The following OCA2 variants were observed in gnomAD, a reference collection of about 807,000 sequenced individuals.
OCA2 encodes OCA2 melanosomal transmembrane protein.
In OCA2, 77 loss-of-function variants were observed where a neutral mutation model predicts 100.2. The observed-to-expected ratio is 0.77, with a 90% CI of 0.64 to 0.93. OCA2 has a LOEUF of 0.93. OCA2 is among the 40% of genes least tolerant of loss of function. OCA2 has a pLI of 0.00. For missense variants in OCA2, 1,062 were observed against 1,089.1 expected (o/e 0.98, Z 0.35); for synonymous variants, 432 against 439.2 (o/e 0.98, Z 0.21).
At chr15:27,949,513 A>G (rs909796873) in intron 18 of OCA2, among the ~76,000 whole-genome samples, 2 of 152,086 alleles carry the variant, frequency 1.3e-5, no homozygotes. Flanking sequence ...AAATACAAAA[A>G]TTAGCCGGGT....
chr15:27,928,836 C>T (rs2039141549), intron 18 of OCA2, among the ~76,000 whole-genome samples: 1 of 152,126 alleles, frequency 6.6e-6, no homozygotes, highest in South Asian at 2.1e-4. Flanking sequence ...CTTATGATTA[C>T]ATTGGATCTA....
chr15:27,762,892 G>A lies in OCA2; in HGVS notation c.2433-7420C>T, dbSNP rs150446434. On this transcript the variant is annotated intron_variant, in intron 23 of 23. Transcript: ENST00000354638. Reference sequence around the variant, plus strand: ...AGCTCCTGCTTATAAGTGAGAACACGTGGTATTTGTCTTTCTGTTTCTGAG... The same window carrying A: ...AGCTCCTGCTTATAAGTGAGAACACATGGTATTTGTCTTTCTGTTTCTGAG... Among the ~76,000 whole-genome samples, 943 of 152,312 alleles carry A rather than the reference G, an allele frequency of 6.2e-3. 12 individuals are homozygous for A. The highest frequency in any genetic ancestry group is 0.021 in the African/African-American group (873 of 41,568).
intron 2 of OCA2, among the ~76,000 whole-genome samples, chr15:28,073,584 T>G (rs1212248412): frequency 1.3e-5 from 2 of 152,042 alleles, no homozygotes; most frequent in South Asian, 4.2e-4. Flanking sequence ...CAATAGACAC[T>G]GTGGAATACT....
intron 23 of OCA2, among the ~76,000 whole-genome samples, chr15:27,779,596 T>A (rs1185671657): frequency 6.6e-6 from 1 of 152,222 alleles, no homozygotes; most frequent in Non-Finnish European, 1.5e-5. Context: ...CTGGTTTAGT[T>A]ACCATTTGCA....
At chr15:28,007,478 C>T (rs1453190379) in intron 9 of OCA2, among the ~76,000 whole-genome samples, 1 of 152,188 alleles carries the variant, frequency 6.6e-6, no homozygotes, top group Non-Finnish European at 1.5e-5. Flanking sequence ...CGCCTGTAAT[C>T]CCAGCACTTT....
At chr15:27,758,307 C>T (rs963201173) in intron 23 of OCA2, among the ~76,000 whole-genome samples, 1 of 152,176 alleles carries the variant, frequency 6.6e-6, no homozygotes, top group African/African-American at 2.4e-5. Context: ...CTAGACATAA[C>T]ACTCCTAGAT....
downstream of OCA2, among the ~76,000 whole-genome samples, chr15:27,754,371 T>C (rs2030183364): frequency 6.6e-6 from 1 of 152,188 alleles, no homozygotes; most frequent in Admixed American, 6.5e-5. Flanking sequence ...CTTGGAACTT[T>C]TGAAGTCAGA....
At chr15:27,910,208 G>A (rs1277904823) in intron 19 of OCA2, among the ~76,000 whole-genome samples, 1 of 152,150 alleles carries the variant, frequency 6.6e-6, no homozygotes, top group Non-Finnish European at 1.5e-5. Context: ...ATTCTGTCAG[G>A]CAGACTAGGA....
intron 23 of OCA2, among the ~76,000 whole-genome samples, chr15:27,835,675 G>A (rs1231823154): frequency 1.3e-5 from 2 of 152,242 alleles, no homozygotes; most frequent in African/African-American, 4.8e-5. Flanking sequence ...GGTGCCTCAG[G>A]CGCAGGCCCT....
intron 23 of OCA2, among the ~76,000 whole-genome samples, chr15:27,794,048 G>T (rs1050164479): frequency 2.6e-5 from 4 of 152,224 alleles, no homozygotes; most frequent in Admixed American, 2.0e-4. Flanking sequence ...CTCTAGAGAA[G>T]ATCTTTTCTT....
Position 28,081,738 on chromosome 15 carries a change from T to C in OCA2, c.137A>G (p.Asp46Gly), listed in dbSNP as rs766051204. The C allele has an allele frequency of 4.3e-6, 7 of 1,613,388 alleles. No individual in the cohort carries two copies. The South Asian group carries it at 7.7e-5, about 18-fold the overall frequency. ...RRLPRGAGGA[D>G]PSHSCPRGAA... ...CCCCCTGGGGCAGGAGTGCGAGGGG[T>C]CAGCTCCACCGGCTCCCCGAGGAAG... The change falls in exon 2 of 24, where the codon GAC (aspartate) becomes GGC (glycine). Residue 46 changes from aspartate to glycine, a missense_variant. Transcript: ENST00000354638.
intron 19 of OCA2, among the ~76,000 whole-genome samples, chr15:27,908,720 C>T (rs959213732): frequency 6.6e-6 from 1 of 152,184 alleles, no homozygotes; most frequent in South Asian, 2.1e-4. Flanking sequence ...GAAAATGTAG[C>T]AACATGTGTG....
intron 19 of OCA2, among the ~76,000 whole-genome samples, chr15:27,872,233 G>A (rs982044795): frequency 6.6e-5 from 10 of 152,278 alleles, no homozygotes; most frequent in African/African-American, 1.2e-4. Context: ...CTGTTCAATC[G>A]TACATAATGA....
intron 19 of OCA2, chr15:27,896,603 G>T: frequency 4.4e-6 from 1 of 226,566 alleles, no homozygotes; most frequent in Non-Finnish European, 8.8e-6. Flanking sequence ...TTTCCATGAG[G>T]ATTTTTCAGA....
intron 21 of OCA2, among the ~76,000 whole-genome samples, chr15:27,855,723 G>C (rs2035923776): frequency 6.6e-6 from 1 of 152,184 alleles, no homozygotes; most frequent in Admixed American, 6.5e-5. Flanking sequence ...CTAGATACAA[G>C]AGACAGACAG....
chr15:27,991,504 A>T (rs2041553998), intron 9 of OCA2, among the ~76,000 whole-genome samples: 1 of 152,210 alleles, frequency 6.6e-6, no homozygotes, highest in South Asian at 2.1e-4. Flanking sequence ...CATCTATATG[A>T]ACTTTCCAGA....
rs566616014 is a variant in OCA2, at chr15:27,771,989, T to C, written c.2433-16517A>G. 7.0e-4 allele frequency among the ~76,000 whole-genome samples: 106 copies of C among 152,262 alleles called. No individual in the cohort carries two copies. In the South Asian group the frequency reaches 0.021, roughly 30 times the overall value. ...TTACTTTTCCTCAATTTGAAAACAA[T>C]TAAAATAACTAAGTCTAGACATTAT... On this transcript the variant is annotated intron_variant, in intron 23 of 23. Transcript: ENST00000354638.
Position 27,978,351 on chromosome 15 carries a change from TTCTC to T in OCA2, c.1503+4990_1503+4993del, listed in dbSNP as rs545245930. On this transcript the variant is annotated intron_variant, in intron 14 of 23. Transcript: ENST00000354638. ...GAAGTTTTCTATATCCTTGTAGATT[TTCTC>T]TCTACTTGTTCTTTCAATTATTGTG... Among the ~76,000 whole-genome samples the T allele has an allele frequency of 3.9e-4, 59 of 152,332 alleles. 2 individuals are homozygous for T. In the South Asian group the frequency reaches 0.012, roughly 31 times the overall value.
In OCA2 at chr15:27,989,605, C is replaced by T; in HGVS notation, c.1178G>A (p.Gly393Asp). ...CACGGGGAGAGCTGTAATTACCATG[C>T]CAAACAGCAGGGCCAGCGTCTCAAA... ...IDFETLALLF[G>D]MMILVAIFSE... is the part of the protein sequence containing the mutation. Residue 393 changes from glycine (G) to aspartate (D), a missense_variant, in exon 11 of 24, where the codon GGC becomes GAC. Transcript: ENST00000354638. The T allele has an allele frequency of 6.2e-7, 1 of 1,613,978 alleles. No individual in the cohort carries two copies. The highest frequency in any genetic ancestry group is 8.5e-7 in the Non-Finnish European group (1 of 1,179,862).
Sources: allele counts gnomAD v4.1 joint callset (sites outside exome capture counted in the v4.1 genomes callset), GRCh38; gene constraint gnomAD v4.1.1; transcripts MANE v1.5; gene names NCBI Gene and HGNC (gene_info 2026-07-23, HGNC 2026-07-21).